Variants in ZBTB24 observed in about 807,000 individuals in gnomAD.
The protein encoded by ZBTB24 is zinc finger and BTB domain-containing protein 24.
In ZBTB24, 32 loss-of-function variants were observed where a neutral mutation model predicts 53.8. The observed-to-expected ratio is 0.60, with a 90% CI of 0.45 to 0.80. ZBTB24 has a LOEUF of 0.80. Among genes scored for constraint, ZBTB24 ranks in the 30% least tolerant of loss-of-function variants. ZBTB24 has a pLI of 0.00. For synonymous variants in ZBTB24, 297 were observed against 306.7 expected (o/e 0.97, Z 0.33); for missense variants, 722 against 837.1 (o/e 0.86, Z 1.70).
At chr6:109,467,317 G>A (rs2115354238) in intron 6 of ZBTB24, among the ~76,000 whole-genome samples, 1 of 152,260 alleles carries the variant, frequency 6.6e-6, no homozygotes, top group East Asian at 1.9e-4. Flanking sequence ...GAGGTCAGGA[G>A]TCTGAGACCA....
chr6:109,466,291 T>C lies in ZBTB24; in HGVS notation c.1654A>G (p.Ile552Val). The C allele has an allele frequency of 6.2e-7, 1 of 1,614,220 alleles. No individual in the cohort carries two copies. The highest frequency in any genetic ancestry group is 8.5e-7 in the Non-Finnish European group (1 of 1,180,038). The change falls in exon 7 of 7, where the codon ATT becomes GTT. Residue 552 changes from isoleucine (I) to valine (V), a missense_variant. Physicochemically the swap from Ile to Val is conservative, Grantham distance 29. Coordinates refer to ENST00000230122, the MANE Select transcript of ZBTB24 (RefSeq NM_014797.3). ...YQLSTSGEQE[I>V]QLLVTDSVHN... ...ACAGAATCGGTTACGAGAAGCTGAATTTCCTGCTCTCCCGAGGTAGAGAGT... is the reference window on the plus strand; with the variant it reads ...ACAGAATCGGTTACGAGAAGCTGAACTTCCTGCTCTCCCGAGGTAGAGAGT...
At chr6:109,475,298 C>T in intron 5 of ZBTB24, 101 bp downstream of exon 5, 1 of 1,393,128 alleles carries the variant, frequency 7.2e-7, no homozygotes, top group Non-Finnish European at 1.0e-6. Flanking sequence ...TTATAATAAA[C>T]ATTTCCAAAC....
In ZBTB24 at chr6:109,465,229, C is replaced by T. The variant is rs12209691; in HGVS notation, c.*622G>A. The T allele has an allele frequency of 0.29, 45,501 of 156,432 alleles. 7,207 individuals carry two copies. The highest frequency in any genetic ancestry group is 0.41 in the Middle Eastern group (126 of 310). The allele number at this position is 156,432 out of a possible 1,614,324, so 9.7% of individuals were successfully genotyped here. On this transcript the variant is annotated 3_prime_UTR_variant, in exon 7 of 7. Coordinates refer to ENST00000230122, the MANE Select transcript of ZBTB24 (RefSeq NM_014797.3). ...GTTACATGAATTTTGAGTTAAAATA[C>T]TGAGTTTATGAGTTTGAATCTTTCT... is the stretch of plus-strand genomic sequence containing the variant.
intron 2 of ZBTB24, among the ~76,000 whole-genome samples, chr6:109,480,427 C>T (rs1228401342): frequency 6.6e-6 from 1 of 152,182 alleles, no homozygotes; most frequent in Non-Finnish European, 1.5e-5. Flanking sequence ...TTCTCAGTCA[C>T]GCTAGCCACA....
chr6:109,475,388 T>TG lies in ZBTB24; in HGVS notation c.1288+10dup, dbSNP rs1227172193. 1 of 1,613,968 alleles carries TG rather than the reference T, an allele frequency of 6.2e-7. No homozygotes were observed. The highest frequency in any genetic ancestry group is 2.2e-5 in the East Asian group (1 of 44,884). The stretch of plus-strand genomic sequence containing the variant: ...CCGTGTACTGGGGGGACAGACGAGA[T>TG]GGAGTTTTACCTGTGTGTGTTCGCA... On this transcript the variant is annotated intron_variant, in intron 5 of 6. Coordinates refer to ENST00000230122, the MANE Select transcript of ZBTB24 (RefSeq NM_014797.3).
rs567916571 is a variant in ZBTB24, at chr6:109,465,137, G to T, written c.*714C>A. On this transcript the variant is annotated 3_prime_UTR_variant, in exon 7 of 7. Coordinates refer to ENST00000230122, the MANE Select transcript of ZBTB24 (RefSeq NM_014797.3). ...TTGATAGCCTTCTGTTGAAAAATAT[G>T]TAAATTTATGTTTCTCAGAAAAGAC... The T allele has an allele frequency of 2.6e-5, 4 of 152,262 alleles. No homozygotes were observed. The highest frequency in any genetic ancestry group is 9.7e-5 in the African/African-American group (4 of 41,434). 9.4% of individuals were successfully genotyped at this position (152,262 alleles called of 1,614,324 possible).
At chr6:109,466,643 G>C in intron 6 of ZBTB24, 69 bp from the exon 7 acceptor site, 1 of 1,582,092 alleles carries the variant, frequency 6.3e-7, no homozygotes, top group Non-Finnish European at 8.6e-7. Flanking sequence ...TTATTTAGGG[G>C]GAAGCAATCA....
intron 2 of ZBTB24, 121 bp downstream of exon 2, chr6:109,480,954 T>C (rs1582682978): frequency 1.2e-5 from 18 of 1,520,932 alleles, no homozygotes; most frequent in Non-Finnish European, 1.4e-5. Context: ...TGCAATAACA[T>C]GTATAAAGGC....
At chr6:109,477,519 A>G (rs1306282381) in intron 2 of ZBTB24, among the ~76,000 whole-genome samples, 1 of 152,146 alleles carries the variant, frequency 6.6e-6, no homozygotes, top group Non-Finnish European at 1.5e-5. Flanking sequence ...CTATCTCTGG[A>G]AACAGGGGTG....
Position 109,471,303 on chromosome 6 carries a change from C to T in ZBTB24, c.1289-3569G>A, listed in dbSNP as rs537252089. ...ACCTCTGCTGTGGCTCTGACCACGC[C>T]ATACTGTTTCATAGTAGATGGCACG... On this transcript the variant is annotated intron_variant, in intron 5 of 6. Coordinates refer to ENST00000230122, the MANE Select transcript of ZBTB24 (RefSeq NM_014797.3). Among the ~76,000 whole-genome samples, 33 of 152,274 alleles carry T rather than the reference C, an allele frequency of 2.2e-4. No individual in the cohort carries two copies. In the South Asian group the frequency reaches 6.6e-3, roughly 31 times the overall value.
At position 109,464,532 on chromosome 6, in the gene ZBTB24, G is replaced by A. The variant is rs1379957551; in HGVS notation, c.*1319C>T. The A allele has an allele frequency of 1.3e-5, 2 of 152,134 alleles. No homozygotes were observed. Among genetic ancestry groups the A allele is most frequent in the Non-Finnish European group, 2.9e-5 (2 of 68,032 alleles). The allele number at this position is 152,134 out of a possible 1,614,324, so 9.4% of individuals were successfully genotyped here. On this transcript the variant is annotated 3_prime_UTR_variant, in exon 7 of 7. Transcript: ENST00000230122. Reference sequence around the variant, plus strand: ...TGAAAGTGGTAAAAGAATTCAATAAGCTTAGCTTGAAAACCTAACCCAAAC... The same window carrying A: ...TGAAAGTGGTAAAAGAATTCAATAAACTTAGCTTGAAAACCTAACCCAAAC...
intron 5 of ZBTB24, among the ~76,000 whole-genome samples, chr6:109,473,553 C>T (rs942469662): frequency 6.6e-6 from 1 of 152,172 alleles, no homozygotes; most frequent in African/African-American, 2.4e-5. Flanking sequence ...CGCCCCCTTA[C>T]CTTGCATTTT....
Position 109,466,172 on chromosome 6 carries a change from A to G in ZBTB24, c.1773T>C (p.Asn591=). The stretch of plus-strand genomic sequence containing the variant: ...CTGGCTGCTGCGTGAGCAGGGTAAG[A>G]TTAGCAGCCTGGTCTGCAGTCATGT... ...SQNMTADQAA[N]LTLLTQQPEQ... is the part of the protein sequence containing the mutation. The change falls in exon 7 of 7, where the codon AAT becomes AAC. Residue 591 remains asparagine, a synonymous_variant. Transcript: ENST00000230122. 6.2e-7 allele frequency: 1 copy of G among 1,614,276 alleles called. No individual in the cohort carries two copies. The highest frequency in any genetic ancestry group is 8.5e-7 in the Non-Finnish European group (1 of 1,180,042).
At position 109,481,154 on chromosome 6, in the gene ZBTB24, G is replaced by T; in HGVS notation, c.873C>A (p.Gly291=). 6.2e-7 allele frequency: 1 copy of T among 1,614,174 alleles called. No homozygotes were observed. Among genetic ancestry groups the T allele is most frequent in the South Asian group, 1.1e-5 (1 of 91,086 alleles). Residue 291 remains glycine (G), a synonymous_variant, in exon 2 of 7, where the codon GGC becomes GGA. Transcript: ENST00000230122. ...RICGRRKRPG[G]PEARCKDCGK... is the part of the protein sequence containing the mutation. ...CACAGTCTTTACAGCGGGCCTCAGGGCCTCCAGGGCGCTTTCTCCTTCCAC... is the reference window on the plus strand; with the variant it reads ...CACAGTCTTTACAGCGGGCCTCAGGTCCTCCAGGGCGCTTTCTCCTTCCAC...
chr6:109,482,019 T>C lies in ZBTB24; in HGVS notation c.8A>G (p.Glu3Gly). 6.2e-7 allele frequency: 1 copy of C among 1,614,120 alleles called. No homozygotes were observed. The highest frequency in any genetic ancestry group is 8.5e-7 in the Non-Finnish European group (1 of 1,179,976). Reference sequence around the variant, plus strand: ...CTGCCCAGAAGGCTCTGGCGATGTTTCTGCCATTTTCTTCAGAAGCCACTA... The same window carrying C: ...CTGCCCAGAAGGCTCTGGCGATGTTCCTGCCATTTTCTTCAGAAGCCACTA... MA[E>G]TSPEPSGQLV... Residue 3 changes from glutamate (E) to glycine (G), a missense_variant, in exon 2 of 7, where the codon GAA becomes GGA. Physicochemically the swap from Glu to Gly is moderately conservative, Grantham distance 98. Transcript: ENST00000230122.
chr6:109,479,275 ACAAAC>A, intron 2 of ZBTB24, among the ~76,000 whole-genome samples: 1 of 152,352 alleles, frequency 6.6e-6, no homozygotes, highest in Non-Finnish European at 1.5e-5. Context: ...ACTACATCTA[ACAAAC>A]CCATCATACT....
At chr6:109,478,373 T>A (rs1020551736) in intron 2 of ZBTB24, among the ~76,000 whole-genome samples, 2 of 152,230 alleles carry the variant, frequency 1.3e-5, no homozygotes, top group African/African-American at 4.8e-5. Flanking sequence ...TCTGTAATTT[T>A]GAGTTGGTCT....
At chr6:109,475,294 T>C (rs951955141) in intron 5 of ZBTB24, 105 bp downstream of exon 5, 77 of 1,366,964 alleles carry the variant, frequency 5.6e-5, no homozygotes, top group Non-Finnish European at 7.9e-5. Flanking sequence ...CAATTTATAA[T>C]AAACATTTCC....
intron 5 of ZBTB24, among the ~76,000 whole-genome samples, chr6:109,471,300 C>T (rs571855826): frequency 7.8e-4 from 119 of 152,274 alleles, no homozygotes; most frequent in African/African-American, 2.8e-3. Flanking sequence ...GCTCTGACCA[C>T]GCCATACTGT....
Sources: allele counts gnomAD v4.1 joint callset (sites outside exome capture counted in the v4.1 genomes callset), GRCh38; gene constraint gnomAD v4.1.1; transcripts MANE v1.5; gene names NCBI Gene and HGNC (gene_info 2026-07-23, HGNC 2026-07-21).